STK3: variants seen among roughly 807,000 people sequenced by gnomAD.
The protein encoded by STK3 is serine/threonine-protein kinase 3.
Under a neutral mutation model 58.0 loss-of-function variants are expected in STK3, and 41 were observed. That is an observed-to-expected ratio of 0.71 (90% CI 0.55 to 0.92). The LOEUF is 0.92. Ranked by LOEUF, STK3 falls within the 40% of genes least tolerant of loss-of-function variation. STK3 has a pLI of 0.00. For synonymous variants in STK3, 170 were observed against 191.0 expected (o/e 0.89, Z 0.91); for missense variants, 479 against 602.7 (o/e 0.79, Z 2.15).
chr8:98,839,829 C>G (rs913445399), intron 3 of STK3, among the ~76,000 whole-genome samples: 1 of 151,866 alleles, frequency 6.6e-6, no homozygotes, highest in African/African-American at 2.4e-5. Flanking sequence ...GGGCACCTTG[C>G]GAATAAATCA....
intron 6 of STK3, among the ~76,000 whole-genome samples, chr8:98,629,525 T>C (rs1318965284): frequency 2.0e-5 from 3 of 152,088 alleles, no homozygotes; most frequent in Non-Finnish European, 2.9e-5. Flanking sequence ...GGGATCCAGG[T>C]AAAGTCATAC....
chr8:98,895,419 T>G (rs7841627), intron 1 of STK3, among the ~76,000 whole-genome samples: 2,775 of 152,190 alleles, frequency 0.018, 80 homozygotes, highest in African/African-American at 0.064. Flanking sequence ...TAACACTCCC[T>G]CCTCCAGTAT....
intron 3 of STK3, among the ~76,000 whole-genome samples, chr8:98,864,558 T>C (rs1837062937): frequency 6.6e-6 from 1 of 152,248 alleles, no homozygotes; most frequent in Admixed American, 6.5e-5. Context: ...CTACCTTGTA[T>C]TAAATCCTCT....
intron 6 of STK3, among the ~76,000 whole-genome samples, chr8:98,625,172 A>G (rs1396004419): frequency 6.6e-6 from 1 of 152,274 alleles, no homozygotes; most frequent in African/African-American, 2.4e-5. Flanking sequence ...ATTAGCTAGC[A>G]GTGTATCTTG....
At chr8:98,722,969 C>A in intron 4 of STK3, 2 of 424,854 alleles carry the variant, frequency 4.7e-6, no homozygotes, top group South Asian at 1.8e-5. Flanking sequence ...GTTAAGAATC[C>A]CTTAAAACAA....
chr8:98,659,203 T>C (rs1821783441), intron 6 of STK3, among the ~76,000 whole-genome samples: 1 of 152,126 alleles, frequency 6.6e-6, no homozygotes, highest in Non-Finnish European at 1.5e-5. Context: ...CAATTTTTCA[T>C]TATTTTTGCA....
chr8:98,695,192 G>C (rs1286436127), intron 6 of STK3, among the ~76,000 whole-genome samples: 1 of 151,934 alleles, frequency 6.6e-6, no homozygotes, highest in Admixed American at 6.6e-5. Flanking sequence ...CTTTTTGATG[G>C]GGTTGTTTTT....
chr8:98,714,819 T>C (rs991439778), intron 4 of STK3, among the ~76,000 whole-genome samples: 1 of 152,146 alleles, frequency 6.6e-6, no homozygotes, highest in Non-Finnish European at 1.5e-5. Context: ...GAGCCCGCAC[T>C]GCCAAGTCAA....
At chr8:98,413,843 C>T (rs1818085205) in intron 3 of STK3, 1 of 564,846 alleles carries the variant, frequency 1.8e-6, no homozygotes, top group Non-Finnish European at 3.3e-6. Context: ...ATGGGGCCGC[C>T]CAAGCCAGTA....
chr8:98,810,252 A>C (rs1053304379), intron 1 of STK3, among the ~76,000 whole-genome samples: 1 of 152,182 alleles, frequency 6.6e-6, no homozygotes, highest in Non-Finnish European at 1.5e-5. Context: ...GCAGGGATAC[A>C]GATCCAAAGC....
intron 6 of STK3, among the ~76,000 whole-genome samples, chr8:98,604,917 T>C (rs1816654859): frequency 6.6e-6 from 1 of 152,142 alleles, no homozygotes; most frequent in Admixed American, 6.6e-5. Context: ...AAATCATCAG[T>C]CTCAAGTTCA....
chr8:98,823,665 T>C (rs1015248532), intron 1 of STK3, among the ~76,000 whole-genome samples: 2 of 152,250 alleles, frequency 1.3e-5, no homozygotes, highest in Non-Finnish European at 2.9e-5. Flanking sequence ...TAAATATTTA[T>C]TAAATTAGTC....
chr8:98,815,489 A>G (rs924701123), intron 1 of STK3, among the ~76,000 whole-genome samples: 3 of 152,242 alleles, frequency 2.0e-5, no homozygotes, highest in Non-Finnish European at 2.9e-5. Context: ...CAAGAAGTAT[A>G]CAAGATGGGC....
intron 6 of STK3, among the ~76,000 whole-genome samples, chr8:98,656,433 T>C (rs942263400): frequency 1.3e-5 from 2 of 152,050 alleles, no homozygotes; most frequent in Non-Finnish European, 2.9e-5. Flanking sequence ...CGTGTATACA[T>C]ATGTAACTAA....
intron 2 of STK3, among the ~76,000 whole-genome samples, chr8:98,377,896 A>G (rs1817690936): frequency 6.6e-6 from 1 of 152,088 alleles, no homozygotes; most frequent in Non-Finnish European, 1.5e-5. Flanking sequence ...TTTAGCAGCT[A>G]GTAAGGTTGA....
chr8:98,615,112 C>G (rs995727510), intron 6 of STK3, among the ~76,000 whole-genome samples: 2 of 151,930 alleles, frequency 1.3e-5, no homozygotes, highest in African/African-American at 4.8e-5. Context: ...AGCTGGAGAT[C>G]TGAGAACGGG....
intron 3 of STK3, among the ~76,000 whole-genome samples, chr8:98,857,011 A>T (rs547093287): frequency 3.9e-5 from 6 of 152,364 alleles, no homozygotes; most frequent in African/African-American, 1.4e-4. Context: ...AGAGAAATCT[A>T]TAAAGAAAAA....
chr8:98,657,149 T>C (rs1821608452), intron 6 of STK3, among the ~76,000 whole-genome samples: 1 of 152,012 alleles, frequency 6.6e-6, no homozygotes, highest in Non-Finnish European at 1.5e-5. Context: ...TTCTATAATA[T>C]ATACATAACA....
intron 8 of STK3, among the ~76,000 whole-genome samples, chr8:98,575,991 T>C (rs533414526): frequency 3.8e-4 from 58 of 152,170 alleles, no homozygotes; most frequent in Non-Finnish European, 6.2e-4. Context: ...TAACCCTATG[T>C]TTTTTTATAA....
Sources: allele counts gnomAD v4.1 joint callset (sites outside exome capture counted in the v4.1 genomes callset), GRCh38; gene constraint gnomAD v4.1.1; transcripts MANE v1.5; gene names NCBI Gene and HGNC (gene_info 2026-07-23, HGNC 2026-07-21).